Variants in NPIPB2 observed in about 807,000 individuals in gnomAD.
The protein encoded by NPIPB2 is nuclear pore complex interacting protein family member B2.
Under a neutral mutation model 30.8 loss-of-function variants are expected in NPIPB2, and 27 were observed. The observed-to-expected ratio is 0.88, with a 90% confidence interval of 0.65 to 1.21. NPIPB2 has a LOEUF of 1.21. Ranked by LOEUF, NPIPB2 falls within the 50% of genes most tolerant of loss-of-function variation. The pLI is 0.00. For synonymous variants in NPIPB2, 147 were observed against 162.0 expected (o/e 0.91, Z 0.70); for missense variants, 440 against 446.2 (o/e 0.99, Z 0.13).
intron 1 of NPIPB2, among the ~76,000 whole-genome samples, chr16:11,970,588 T>C (rs2055229806): frequency 6.6e-6 from 1 of 151,962 alleles, no homozygotes; most frequent in African/African-American, 2.4e-5. Flanking sequence ...CAGGTTAGAG[T>C]GCAGTGGTAC....
intron 1 of NPIPB2, among the ~76,000 whole-genome samples, chr16:11,972,539 C>T (rs1046593779): frequency 9.9e-5 from 15 of 151,944 alleles, no homozygotes; most frequent in Admixed American, 6.6e-4. Flanking sequence ...CACACCACTG[C>T]ACTCCAGCAT....
At chr16:11,941,240 G>C in intron 1 of NPIPB2, 2 of 1,521,244 alleles carry the variant, frequency 1.3e-6, no homozygotes, top group South Asian at 1.2e-5. Context: ...CACAGCACCC[G>C]CATGTCCTGG....
At chr16:11,974,552 T>TG (rs2055256222) in intron 1 of NPIPB2, among the ~76,000 whole-genome samples, 1 of 151,986 alleles carries the variant, frequency 6.6e-6, no homozygotes, top group Non-Finnish European at 1.5e-5. Context: ...AGACGTATTA[T>TG]GGATCAATTG....
Position 11,933,517 on chromosome 16 carries a change from T to G in NPIPB2, c.488A>C (p.Gln163Pro), listed in dbSNP as rs747748373. 158 of 1,596,838 alleles carry G rather than the reference T, an allele frequency of 9.9e-5. 1 individual carries two copies. Among genetic ancestry groups the G allele is most frequent in the Non-Finnish European group, 1.0e-5 (12 of 1,179,200 alleles). Residue 163 changes from glutamine (Q) to proline (P), a missense_variant and splice_region_variant, in exon 4 of 8, where the codon CAG (glutamine) becomes CCG (proline). Around this residue, in one of 3 missense-constraint regions of NPIPB2, gnomAD observed 252 missense variants for 233.0 expected, o/e 1.08. Transcript: ENST00000399147. ...ATATTTGTGTCAAGGCACATCTTAC[T>G]GTTTTTTGGCGGTCTTCCTCTTTCC...
chr16:11,961,181 C>T (rs1404749948), intron 1 of NPIPB2, among the ~76,000 whole-genome samples: 1 of 151,968 alleles, frequency 6.6e-6, no homozygotes, highest in East Asian at 1.9e-4. Context: ...AATTTTTGTT[C>T]TCTCCCTATT....
At chr16:11,968,110 G>T in intron 1 of NPIPB2, 1 of 407,284 alleles carries the variant, frequency 2.5e-6, no homozygotes, top group Non-Finnish European at 4.4e-6. Context: ...AAACAAGCAT[G>T]TATACCAGTG....
exon 8 of NPIPB2, chr16:11,927,719 T>C: frequency 1.3e-6 from 2 of 1,599,880 alleles, no homozygotes; most frequent in Non-Finnish European, 1.7e-6. Flanking sequence ...GAGCAGACAC[T>C]CGGGAGGTGT....
At chr16:11,953,192 C>T (rs995764705) in intron 1 of NPIPB2, among the ~76,000 whole-genome samples, 2 of 152,122 alleles carry the variant, frequency 1.3e-5, no homozygotes, top group Non-Finnish European at 2.9e-5. Context: ...GTTGCTCAGC[C>T]TGGAGTGCAG....
At chr16:11,938,001 G>A (rs1384422231) in intron 1 of NPIPB2, among the ~76,000 whole-genome samples, 1 of 152,188 alleles carries the variant, frequency 6.6e-6, no homozygotes, top group East Asian at 1.9e-4. Context: ...AACAATAGCT[G>A]ATGATCTAAA....
upstream of NPIPB2, among the ~76,000 whole-genome samples, chr16:11,943,159 A>G (rs2054961227): frequency 6.6e-6 from 1 of 151,738 alleles, no homozygotes; most frequent in South Asian, 2.1e-4. Flanking sequence ...GTCTCTAATA[A>G]AATACAAAAA....
rs548089674 is a variant in NPIPB2, at chr16:11,958,180, C to G, written c.-583-16066G>C. The stretch of plus-strand genomic sequence containing the variant: ...GTGGCTCACTCCTGTAATTCCAACA[C>G]TTTGGGAGACTGTGGCGGGCAGATC... On this transcript the variant is annotated intron_variant, in intron 1 of 5. Transcript: ENST00000538896. Among the ~76,000 whole-genome samples, 16 of 152,224 alleles carry G rather than the reference C, an allele frequency of 1.1e-4. No homozygotes were observed. The South Asian group carries it at 3.3e-3, about 32-fold the overall frequency.
intron 1 of NPIPB2, among the ~76,000 whole-genome samples, chr16:11,976,364 G>C (rs2055296995): frequency 6.6e-6 from 1 of 152,346 alleles, no homozygotes; most frequent in Middle Eastern, 3.4e-3. Flanking sequence ...GGGCTCAGAA[G>C]TCGCCTCCTT....
At chr16:11,927,872 A>G in exon 8 of NPIPB2, 1 of 1,164,586 alleles carries the variant, frequency 8.6e-7, no homozygotes, top group Non-Finnish European at 1.2e-6. Flanking sequence ...CGCTGCCGCC[A>G]TTCTGACCTG....
intron 1 of NPIPB2, among the ~76,000 whole-genome samples, chr16:11,952,862 G>T (rs2055080213): frequency 6.6e-6 from 1 of 151,998 alleles, no homozygotes; most frequent in Admixed American, 6.6e-5. Flanking sequence ...CACCGTGCCT[G>T]GCCCTTATCG....
chr16:11,967,538 T>C (rs1353639900), intron 1 of NPIPB2: 3 of 1,594,206 alleles, frequency 1.9e-6, no homozygotes, highest in South Asian at 2.3e-5. Flanking sequence ...TCTGTGAAGT[T>C]TGGGTTAATG....
At chr16:11,958,975 TGGGGCTCTGCAG>T (rs1434359487) in intron 1 of NPIPB2, among the ~76,000 whole-genome samples, 1 of 152,108 alleles carries the variant, frequency 6.6e-6, no homozygotes, top group African/African-American at 2.4e-5. Flanking sequence ...TTTGCCAAAG[TGGGGCTCTGCAG>T]GGGGAGCTCG....
chr16:11,964,897 C>T (rs532666645), intron 1 of NPIPB2, among the ~76,000 whole-genome samples: 2 of 152,284 alleles, frequency 1.3e-5, no homozygotes, highest in Admixed American at 6.5e-5. Flanking sequence ...ACAGCACAGA[C>T]CTTGTCTTGT....
chr16:11,970,850 T>TCTGC, intron 1 of NPIPB2, among the ~76,000 whole-genome samples: 1 of 122,510 alleles, frequency 8.2e-6, no homozygotes, highest in East Asian at 2.6e-4. Context: ...CAGCATTTTC[T>TCTGC]TACTCGTTTC....
intron 1 of NPIPB2, among the ~76,000 whole-genome samples, chr16:11,969,107 T>G (rs2055218567): frequency 6.6e-6 from 1 of 151,962 alleles, no homozygotes; most frequent in Non-Finnish European, 1.5e-5. Flanking sequence ...CCTCAGGTGA[T>G]TCACCTGCCT....
Sources: gnomAD v4.1 joint callset for allele counts (sites outside exome capture counted in the v4.1 genomes callset) on GRCh38, gnomAD v4.1.1 for gene constraint, gnomAD v4.1.1 regional missense constraint, MANE v1.5 for transcripts, NCBI Gene and HGNC (gene_info 2026-07-23, HGNC 2026-07-21) for gene names.